The following FRY variants were observed in gnomAD, a reference collection of about 807,000 sequenced individuals.
FRY encodes protein furry homolog.
A neutral mutation model predicts 348.4 loss-of-function variants in FRY; 128 were observed. The ratio of observed to expected loss-of-function variants is 0.37; its 90% CI spans 0.32 to 0.43. FRY has a LOEUF of 0.43. FRY is among the 20% of genes least tolerant of loss of function. FRY has a pLI of 1.00. For missense variants in FRY, 2,736 were observed against 3,695.2 expected (o/e 0.74, Z 6.73); for synonymous variants, 1,370 against 1,374.7 (o/e 1.00, Z 0.08).
rs568742616 is a variant in FRY at position 32,124,428 on chromosome 13, C to A, written c.555+52C>A. ...TAGATAATATTTATTGATCTAAAAA[C>A]TACTTAGGTTGTAAAAGTCTAAGTT... On this transcript the variant is annotated intron_variant, in intron 5 of 60. Coordinates refer to ENST00000542859, the MANE Select transcript of FRY (RefSeq NM_023037.3). The A allele has an allele frequency of 2.0e-3, 2,072 of 1,057,234 alleles. 36 individuals are homozygous for A. In the South Asian group the frequency reaches 0.021, roughly 11 times the overall value. The allele number at this position is 1,057,234 out of a possible 1,614,324, so 65.5% of individuals were successfully genotyped here.
intron 34 of FRY, 122 bp downstream of exon 34, chr13:32,211,156 T>C: frequency 1.1e-6 from 1 of 909,520 alleles, no homozygotes; most frequent in Non-Finnish European, 1.7e-6. Flanking sequence ...GTGCATTCAG[T>C]TAAGAGATGG....
chr13:32,187,612 C>G lies in FRY; in HGVS notation c.3547C>G (p.Leu1183Val). 1 of 1,612,002 alleles carries G rather than the reference C, an allele frequency of 6.2e-7. No individual in the cohort carries two copies. The highest frequency in any genetic ancestry group is 8.5e-7 in the Non-Finnish European group (1 of 1,178,154). The change falls in exon 28 of 61, where the codon CTA becomes GTA. Residue 1183 changes from leucine to valine, a missense_variant. Leu to Val is a conservative substitution (Grantham distance 32). This residue lies in a region of FRY where 33 missense variants were observed against 86.7 expected (regional missense o/e 0.38). Coordinates refer to ENST00000542859, the MANE Select transcript of FRY (RefSeq NM_023037.3). ...DNVGLSPDGY[L>V]YKWLDNILAC... The stretch of plus-strand genomic sequence containing the variant: ...TGTGGGCCTTTCCCCAGATGGCTAC[C>G]TATATAAATGGCTTGACAACATTCT...
At position 32,244,166 on chromosome 13, in the gene FRY, T is replaced by C; in HGVS notation, c.6812T>C (p.Ile2271Thr). ...TTCAATGTGGAAGTTCTGAAGACAA[T>C]TGAAAAATATGTGCAAGTGAGTACT... ...KQFNVEVLKTIEKYVQSVHWR... is the reference protein window; with the variant it reads ...KQFNVEVLKTTEKYVQSVHWR... Residue 2271 changes from isoleucine to threonine, a missense_variant, in exon 47 of 61, where the codon ATT becomes ACT. Coordinates refer to ENST00000542859, the MANE Select transcript of FRY (RefSeq NM_023037.3). 6.2e-7 allele frequency: 1 copy of C among 1,613,802 alleles called. No individual in the cohort carries two copies. The highest frequency in any genetic ancestry group is 1.7e-5 in the Admixed American group (1 of 60,014).
chr13:32,208,526 A>C (rs1383681525), intron 31 of FRY, among the ~76,000 whole-genome samples: 1 of 152,214 alleles, frequency 6.6e-6, no homozygotes, highest in Non-Finnish European at 1.5e-5. Context: ...GAATCTGAAC[A>C]CATGCCCTTC....
chr13:32,036,246 C>A (rs2138343829), intron 1 of FRY, among the ~76,000 whole-genome samples: 1 of 152,268 alleles, frequency 6.6e-6, no homozygotes, highest in Non-Finnish European at 1.5e-5. Context: ...AGATCAAGTG[C>A]AAGCATATTT....
At chr13:32,252,152 T>C (rs897269130) in intron 50 of FRY, among the ~76,000 whole-genome samples, 200 bp downstream of exon 50, 3 of 152,244 alleles carry the variant, frequency 2.0e-5, no homozygotes, top group Non-Finnish European at 4.4e-5. Flanking sequence ...ATGAAAGATC[T>C]TGCTGGCTGT....
chr13:32,298,559 G>A lies in FRY; in HGVS notation c.*3099G>A, dbSNP rs2072099443. The A allele has an allele frequency of 6.6e-6, 1 of 152,248 alleles. No individual in the cohort carries two copies. The highest frequency in any genetic ancestry group is 1.5e-5 in the Non-Finnish European group (1 of 68,062). The allele number at this position is 152,248 out of a possible 1,614,324, so 9.4% of individuals were successfully genotyped here. A position where few individuals can be genotyped will look rare whatever the true frequency, so the allele number is the denominator to read the frequency against. On this transcript the variant is annotated 3_prime_UTR_variant, in exon 61 of 61. Coordinates refer to ENST00000542859, the MANE Select transcript of FRY (RefSeq NM_023037.3). ...GTTCCCATGAGGCTCCTACATTTGA[G>A]TGGAGGAAGATGTACTTGTCTACGT...
chr13:32,143,183 T>C (rs1880189512), intron 11 of FRY, among the ~76,000 whole-genome samples: 1 of 152,172 alleles, frequency 6.6e-6, no homozygotes, highest in South Asian at 2.1e-4. Flanking sequence ...AGTAGGTGAT[T>C]AGAAGCCTCT....
At chr13:32,289,201 C>G (rs984506555) in intron 58 of FRY, among the ~76,000 whole-genome samples, 1 of 152,114 alleles carries the variant, frequency 6.6e-6, no homozygotes, top group Non-Finnish European at 1.5e-5. Flanking sequence ...CAAGCCCAGG[C>G]GTCTACAGAA....
At chr13:32,164,269 C>T (rs1881607327) in intron 17 of FRY, among the ~76,000 whole-genome samples, 1 of 152,240 alleles carries the variant, frequency 6.6e-6, no homozygotes. Flanking sequence ...ATGGTCTAGT[C>T]AGAGAGGAGT....
At position 32,097,486 on chromosome 13, in the gene FRY, T is replaced by C. The variant is rs150838603; in HGVS notation, c.271-4477T>C. On this transcript the variant is annotated intron_variant, in intron 2 of 60. Transcript: ENST00000542859. ...AGCGATTCTCCCACCTCAGCCTCCC[T>C]AGTAGCTGGGATTACAGGTGCCCGC... Among the ~76,000 whole-genome samples, 333 of 148,724 alleles carry C rather than the reference T, an allele frequency of 2.2e-3. 3 individuals carry two copies. Among genetic ancestry groups the C allele is most frequent in the African/African-American group, 7.8e-3 (316 of 40,618 alleles).
chr13:32,280,742 G>A (rs1295052989), intron 58 of FRY, among the ~76,000 whole-genome samples: 2 of 152,196 alleles, frequency 1.3e-5, no homozygotes, highest in African/African-American at 4.8e-5. Flanking sequence ...TTAATACATT[G>A]CAGACTTTTA....
chr13:32,054,800 G>A (rs916352364), intron 1 of FRY, among the ~76,000 whole-genome samples: 12 of 152,096 alleles, frequency 7.9e-5, no homozygotes, highest in African/African-American at 2.4e-4. Flanking sequence ...GCATGAACCC[G>A]AGTGGCGGAG....
chr13:32,176,982 C>T (rs931721330), intron 20 of FRY, among the ~76,000 whole-genome samples: 1 of 152,198 alleles, frequency 6.6e-6, no homozygotes, highest in Admixed American at 6.5e-5. Flanking sequence ...GCCATCTCAT[C>T]TCTCAGGCTC....
chr13:32,234,382 C>T (rs773294472), intron 41 of FRY, among the ~76,000 whole-genome samples, 192 bp from the exon 42 acceptor site: 10 of 151,858 alleles, frequency 6.6e-5, no homozygotes, highest in Non-Finnish European at 1.2e-4. Flanking sequence ...GTGATCATGC[C>T]ACTGCACTCC....
intron 1 of FRY, among the ~76,000 whole-genome samples, chr13:32,069,363 C>T (rs1874475206): frequency 6.6e-6 from 1 of 152,156 alleles, no homozygotes; most frequent in South Asian, 2.1e-4. Flanking sequence ...AAGTATACAA[C>T]TATTCTAATC....
At position 32,244,083 on chromosome 13, in the gene FRY, C is replaced by T; in HGVS notation, c.6729C>T (p.Leu2243=). The part of the protein sequence containing the change: ...KGLPSVQQPL[L]QVIYSLLSYM... ...TCCCTAGTGTGCAGCAGCCCCTGCT[C>T]CAGGTGATCTACAGTCTTCTCAGCT... The change falls in exon 47 of 61, where the codon CTC becomes CTT. Residue 2243 remains leucine (L), a synonymous_variant. Transcript: ENST00000542859. The T allele has an allele frequency of 6.2e-7, 1 of 1,613,834 alleles. No individual in the cohort carries two copies. The highest frequency in any genetic ancestry group is 1.1e-5 in the South Asian group (1 of 91,068).
intron 3 of FRY, among the ~76,000 whole-genome samples, chr13:32,112,443 T>C (rs1230191971): frequency 6.6e-6 from 1 of 152,190 alleles, no homozygotes; most frequent in Non-Finnish European, 1.5e-5. Context: ...CTTATACAGC[T>C]ATAAGAGGCA....
Position 32,187,524 on chromosome 13 carries a change from CTTG to C in FRY, c.3481-17_3481-15del, listed in dbSNP as rs1566119171. Reference sequence around the variant, plus strand: ...ATCATTCCAAGTTTCATTTCCATGTCTTGTTGTGTTTTTATCATCAGGCAATGT... The same window carrying C: ...ATCATTCCAAGTTTCATTTCCATGTCTTGTGTTTTTATCATCAGGCAATGT... On this transcript the variant is annotated intron_variant, in intron 27 of 60. Coordinates refer to ENST00000542859, the MANE Select transcript of FRY (RefSeq NM_023037.3). 3.6e-6 allele frequency: 5 copies of C among 1,380,296 alleles called. No homozygotes were observed. The highest frequency in any genetic ancestry group is 1.7e-5 in the Admixed American group (1 of 59,712). 85.5% of individuals were successfully genotyped at this position (1,380,296 alleles called of 1,614,324 possible).
Sources: gnomAD v4.1 joint callset for allele counts (sites outside exome capture counted in the v4.1 genomes callset) on GRCh38, gnomAD v4.1.1 for gene constraint, gnomAD v4.1.1 regional missense constraint, MANE v1.5 for transcripts, NCBI Gene and HGNC (gene_info 2026-07-23, HGNC 2026-07-21) for gene names.